ACACA: variants seen among roughly 807,000 people sequenced by gnomAD.
ACACA encodes the protein acetyl-CoA carboxylase alpha.
A neutral mutation model predicts 296.1 loss-of-function variants in ACACA; 103 were observed. That is an observed-to-expected ratio of 0.35 (90% CI 0.30 to 0.41). The LOEUF (loss-of-function observed/expected upper bound fraction) is 0.41. Ranked by LOEUF, ACACA falls within the 10% of genes least tolerant of loss-of-function variation. ACACA has a pLI of 1.00. For missense variants in ACACA, 1,554 were observed against 2,989.7 expected (o/e 0.52, Z 11.20); for synonymous variants, 953 against 1,038.6 (o/e 0.92, Z 1.58).
chr17:37,239,695 T>G (rs544284906), intron 24 of ACACA, among the ~76,000 whole-genome samples: 1 of 152,336 alleles, frequency 6.6e-6, no homozygotes, highest in East Asian at 1.9e-4. Context: ...TTCTCCAAAC[T>G]GATCAACCTT....
At chr17:37,338,806 G>T (rs9900503) in intron 2 of ACACA, among the ~76,000 whole-genome samples, 2 of 151,882 alleles carry the variant, frequency 1.3e-5, no homozygotes, top group Non-Finnish European at 2.9e-5. Context: ...CAGGCGTGGC[G>T]GTGGGCACCT....
intron 1 of ACACA, among the ~76,000 whole-genome samples, chr17:37,366,375 G>T (rs766356935): frequency 6.6e-6 from 1 of 151,916 alleles, no homozygotes; most frequent in Non-Finnish European, 1.5e-5. Context: ...AAGAAAAATT[G>T]AGCCATCATT....
At chr17:37,287,164 C>A (rs1338441856) in intron 3 of ACACA, among the ~76,000 whole-genome samples, 1 of 152,170 alleles carries the variant, frequency 6.6e-6, no homozygotes, top group African/African-American at 2.4e-5. Context: ...CCTATTCCCA[C>A]CTTTTCTTCC....
chr17:37,328,898 G>C (rs2047736140), intron 3 of ACACA: 3 of 398,440 alleles, frequency 7.5e-6, no homozygotes, highest in Admixed American at 4.4e-5. Context: ...AATCTCTGGG[G>C]ATGGGGCTTA....
chr17:37,329,419 C>A (rs2047759054), intron 3 of ACACA, among the ~76,000 whole-genome samples: 1 of 152,100 alleles, frequency 6.6e-6, no homozygotes, highest in South Asian at 2.1e-4. Flanking sequence ...GCAGGCGGAT[C>A]ACTTGAGGTC....
At chr17:37,371,023 A>C (rs1217963656) in intron 1 of ACACA, among the ~76,000 whole-genome samples, 1 of 152,040 alleles carries the variant, frequency 6.6e-6, no homozygotes, top group Non-Finnish European at 1.5e-5. Flanking sequence ...CCATTTATAT[A>C]ACATTCAAAA....
At chr17:37,174,669 A>G (rs2077041350) in intron 41 of ACACA, among the ~76,000 whole-genome samples, 1 of 151,924 alleles carries the variant, frequency 6.6e-6, no homozygotes, top group Non-Finnish European at 1.5e-5. Context: ...AGTAGCTGGG[A>G]CTACAGGCAC....
chr17:37,199,475 T>C (rs576393675), intron 35 of ACACA, among the ~76,000 whole-genome samples: 11 of 152,314 alleles, frequency 7.2e-5, no homozygotes, highest in African/African-American at 2.6e-4. Flanking sequence ...CTCTTTTCAA[T>C]AAAAATTTTA....
intron 1 of ACACA, chr17:37,358,949 C>A: frequency 1.0e-6 from 1 of 986,496 alleles, no homozygotes; most frequent in Non-Finnish European, 1.2e-6. Context: ...CCCTTGGCCC[C>A]AGTTTCTCCA....
chr17:37,248,747 T>C lies in ACACA; in HGVS notation c.2082-73A>G, dbSNP rs2080838931. The C allele has an allele frequency of 4.5e-6, 5 of 1,107,660 alleles. No homozygotes were observed. The South Asian group carries it at 5.0e-5, about 11-fold the overall frequency. The allele number at this position is 1,107,660 out of a possible 1,614,324, so 68.6% of individuals were successfully genotyped here. ...TAAGAGAATCTAAAACATTATTGATTGTAGCATTTCCTAGAATAACAAAAG... is the reference window on the plus strand; with the variant it reads ...TAAGAGAATCTAAAACATTATTGATCGTAGCATTTCCTAGAATAACAAAAG... On this transcript the variant is annotated intron_variant, in intron 16 of 55. Transcript: ENST00000616317.
At position 37,277,022 on chromosome 17, in the gene ACACA, G is replaced by A. The variant is rs377428466; in HGVS notation, c.802+11C>T. 1 of 1,610,166 alleles carries A rather than the reference G, an allele frequency of 6.2e-7. No homozygotes were observed. The highest frequency in any genetic ancestry group is 1.7e-5 in the Admixed American group (1 of 60,018). On this transcript the variant is annotated intron_variant, in intron 7 of 55. Coordinates refer to ENST00000616317, the MANE Select transcript of ACACA (RefSeq NM_198834.3). ...AAACAGAAAGACGGACAATATGTCA[G>A]AACAGCTTACCCATGAAGGCAATGC...
At chr17:37,285,389 C>T (rs536839625) in intron 3 of ACACA, among the ~76,000 whole-genome samples, 4 of 152,266 alleles carry the variant, frequency 2.6e-5, no homozygotes, top group African/African-American at 9.6e-5. Context: ...AAACTGCCTA[C>T]TAAATGTTTT....
chr17:37,141,666 T>C (rs941160501), intron 45 of ACACA, among the ~76,000 whole-genome samples: 1 of 152,034 alleles, frequency 6.6e-6, no homozygotes, highest in African/African-American at 2.4e-5. Flanking sequence ...CTAGTAAATG[T>C]CAGGGAGAAG....
At chr17:37,234,674 G>C (rs1195888807) in intron 25 of ACACA, among the ~76,000 whole-genome samples, 2 of 152,158 alleles carry the variant, frequency 1.3e-5, no homozygotes, top group African/African-American at 4.8e-5. Flanking sequence ...TAAAGCTGCT[G>C]TCATGATGAC....
In ACACA at chr17:37,086,486, T is replaced by G. The variant is rs1439586264; in HGVS notation, c.*830A>C. ...TGGCTCCTCCTCTGCCAACTCAGGCTTCACCACCTGTGGAACTGCTGGGGC... is the reference window on the plus strand; with the variant it reads ...TGGCTCCTCCTCTGCCAACTCAGGCGTCACCACCTGTGGAACTGCTGGGGC... On this transcript the variant is annotated 3_prime_UTR_variant, in exon 56 of 56. Coordinates refer to ENST00000616317, the MANE Select transcript of ACACA (RefSeq NM_198834.3). The G allele has an allele frequency of 6.6e-6, 1 of 152,336 alleles. No homozygotes were observed. Among genetic ancestry groups the G allele is most frequent in the African/African-American group, 2.4e-5 (1 of 41,448 alleles). 9.4% of individuals were successfully genotyped at this position (152,336 alleles called of 1,614,324 possible). A position where few individuals can be genotyped will look rare whatever the true frequency, so the allele number is the denominator to read the frequency against.
intron 54 of ACACA, among the ~76,000 whole-genome samples, chr17:37,095,627 A>G (rs1007024526): frequency 1.3e-5 from 2 of 152,184 alleles, no homozygotes; most frequent in African/African-American, 2.4e-5. Flanking sequence ...CCAGCCCTCC[A>G]TCAATACTCT....
At position 37,323,842 on chromosome 17, in the gene ACACA, C is replaced by T. The variant is rs73282829; in HGVS notation, c.338+6331G>A. On this transcript the variant is annotated intron_variant, in intron 3 of 55. Coordinates refer to ENST00000616317, the MANE Select transcript of ACACA (RefSeq NM_198834.3). ...TGCGGTGAATTTTAAGTATGCAAAA[C>T]GATCTGACCTCAAGTGACATCCCAT... is the stretch of plus-strand genomic sequence containing the variant. Among the ~76,000 whole-genome samples the T allele has an allele frequency of 6.2e-3, 944 of 152,318 alleles. 10 individuals are homozygous for T. The highest frequency in any genetic ancestry group is 0.022 in the African/African-American group (906 of 41,558).
At chr17:37,294,621 A>T (rs1257526301) in intron 3 of ACACA, among the ~76,000 whole-genome samples, 1 of 152,254 alleles carries the variant, frequency 6.6e-6, no homozygotes, top group East Asian at 1.9e-4. Flanking sequence ...TTTCCACAGC[A>T]GTTTGACACA....
chr17:37,363,104 AG>A (rs2049469993), intron 1 of ACACA, among the ~76,000 whole-genome samples: 1 of 147,496 alleles, frequency 6.8e-6, no homozygotes, highest in Non-Finnish European at 1.5e-5. Flanking sequence ...CTGCCACCTC[AG>A]CCTCTCAAGT....
Sources: allele counts gnomAD v4.1 joint callset (sites outside exome capture counted in the v4.1 genomes callset), GRCh38; gene constraint gnomAD v4.1.1; transcripts MANE v1.5; gene names NCBI Gene and HGNC (gene_info 2026-07-23, HGNC 2026-07-21).